The following TMTC2 variants were observed in gnomAD, a reference collection of about 807,000 sequenced individuals.
The protein encoded by TMTC2 is transmembrane O-mannosyltransferase targeting cadherins 2.
TMTC2 carries 43 observed loss-of-function variants against 82.4 expected under a neutral mutation model. The observed-to-expected ratio is 0.52, with a 90% CI of 0.41 to 0.67. The LOEUF (loss-of-function observed/expected upper bound fraction) is 0.67, where lower values mean the gene tolerates loss of function less well. Ranked by LOEUF, TMTC2 falls within the 30% of genes least tolerant of loss-of-function variation. TMTC2 has a pLI of 0.00. For missense variants in TMTC2, 919 were observed against 1,012.4 expected, an observed-to-expected ratio of 0.91 and a Z score of 1.25; for synonymous variants, 408 against 381.9, an observed-to-expected ratio of 1.07 and a Z score of -0.80.
At chr12:82,925,526 A>G (rs1346174602) in intron 3 of TMTC2, among the ~76,000 whole-genome samples, 1 of 152,186 alleles carries the variant, frequency 6.6e-6, no homozygotes, top group Non-Finnish European at 1.5e-5. Context: ...TGTTTTTTTA[A>G]CAAATTGAAT....
chr12:82,983,190 A>G (rs1879002960), intron 7 of TMTC2, among the ~76,000 whole-genome samples: 1 of 152,002 alleles, frequency 6.6e-6, no homozygotes, highest in African/African-American at 2.4e-5. Flanking sequence ...TAAACACTCA[A>G]TTATTATTAT....
rs534085842 is a variant in TMTC2, at chr12:82,746,938, A to G, written c.83+59269A>G. Among the ~76,000 whole-genome samples, 3 of 152,328 alleles carry G rather than the reference A, an allele frequency of 2.0e-5. No homozygotes were observed. The East Asian group carries it at 5.8e-4, about 29-fold the overall frequency. On this transcript the variant is annotated intron_variant, in intron 1 of 11. Coordinates refer to ENST00000321196, the MANE Select transcript of TMTC2 (RefSeq NM_152588.3). ...ACATCAGTCTTGGAATAGCAAGGAA[A>G]TGGAATTTGTCCAACAACTTGAATG...
chr12:82,726,723 A>C (rs946800656), intron 1 of TMTC2, among the ~76,000 whole-genome samples: 1 of 151,962 alleles, frequency 6.6e-6, no homozygotes, highest in African/African-American at 2.4e-5. Flanking sequence ...TACTAAAATT[A>C]CAAAAATTAG....
intron 2 of TMTC2, among the ~76,000 whole-genome samples, chr12:82,881,019 T>C (rs1872800650): frequency 6.6e-6 from 1 of 152,138 alleles, no homozygotes; most frequent in Non-Finnish European, 1.5e-5. Context: ...TTTGTTTTAT[T>C]GATAATGCTA....
At chr12:82,688,063 A>G (rs946707804) in intron 1 of TMTC2, among the ~76,000 whole-genome samples, 1 of 152,238 alleles carries the variant, frequency 6.6e-6, no homozygotes, top group African/African-American at 2.4e-5. Flanking sequence ...TCGATCCCTG[A>G]TAGATCCTCC....
intron 1 of TMTC2, among the ~76,000 whole-genome samples, chr12:82,853,644 G>T (rs1029089938): frequency 1.3e-5 from 2 of 152,136 alleles, no homozygotes; most frequent in African/African-American, 4.8e-5. Flanking sequence ...TAGAAATCCA[G>T]GTTTGGAAAA....
intron 8 of TMTC2, among the ~76,000 whole-genome samples, chr12:83,019,373 A>G (rs987489374): frequency 2.6e-5 from 4 of 152,060 alleles, no homozygotes; most frequent in Non-Finnish European, 4.4e-5. Context: ...TGGCTTCCAT[A>G]CCTGTTAAAC....
intron 11 of TMTC2, among the ~76,000 whole-genome samples, chr12:83,094,543 C>CA (rs1366250306): frequency 5.6e-4 from 86 of 152,260 alleles, no homozygotes; most frequent in African/African-American, 2.0e-3. Flanking sequence ...ATATTTGTTC[C>CA]ATTTGCATTG....
intron 10 of TMTC2, among the ~76,000 whole-genome samples, chr12:83,054,312 A>G (rs1882456753): frequency 6.6e-6 from 1 of 152,124 alleles, no homozygotes; most frequent in Non-Finnish European, 1.5e-5. Flanking sequence ...GGAACATTAT[A>G]ATGTCGGGAA....
At chr12:82,855,717 C>G (rs1814838871) in intron 1 of TMTC2, among the ~76,000 whole-genome samples, 1 of 152,208 alleles carries the variant, frequency 6.6e-6, no homozygotes, top group South Asian at 2.1e-4. Context: ...ATGCCACATT[C>G]AATGTTTGTA....
At chr12:82,771,121 T>C (rs533204902) in intron 1 of TMTC2, among the ~76,000 whole-genome samples, 1 of 151,302 alleles carries the variant, frequency 6.6e-6, no homozygotes, top group East Asian at 2.0e-4. Context: ...GCAGGAGAAT[T>C]GTTTGAACCT....
At chr12:82,888,988 G>A (rs1873251227) in intron 2 of TMTC2, among the ~76,000 whole-genome samples, 1 of 152,012 alleles carries the variant, frequency 6.6e-6, no homozygotes, top group African/African-American at 2.4e-5. Flanking sequence ...ATAGAAAAGT[G>A]TAGGAACTGG....
intron 3 of TMTC2, among the ~76,000 whole-genome samples, chr12:82,928,077 G>T (rs956449167): frequency 2.0e-5 from 3 of 151,902 alleles, no homozygotes; most frequent in African/African-American, 7.3e-5. Context: ...ATTTATTTGA[G>T]ATATAAGTAT....
At chr12:82,944,211 G>A (rs1876867909) in intron 4 of TMTC2, among the ~76,000 whole-genome samples, 2 of 152,100 alleles carry the variant, frequency 1.3e-5, no homozygotes, top group Admixed American at 6.6e-5. Context: ...ATGTGTATGT[G>A]AATAATATGC....
chr12:82,795,086 C>G (rs1399020013), intron 1 of TMTC2, among the ~76,000 whole-genome samples: 1 of 151,960 alleles, frequency 6.6e-6, no homozygotes, highest in Non-Finnish European at 1.5e-5. Context: ...AGGTGGATCA[C>G]TTGAGGTCAG....
chr12:83,107,718 T>A (rs1884458496), intron 11 of TMTC2, among the ~76,000 whole-genome samples: 1 of 152,216 alleles, frequency 6.6e-6, no homozygotes, highest in Non-Finnish European at 1.5e-5. Context: ...AAACCAATCA[T>A]TGTTGATAAC....
At chr12:83,035,713 G>A (rs571843686) in intron 9 of TMTC2, among the ~76,000 whole-genome samples, 3 of 152,204 alleles carry the variant, frequency 2.0e-5, no homozygotes, top group East Asian at 1.9e-4. Context: ...GGTGTCTCAT[G>A]TGGGCCTGTA....
intron 1 of TMTC2, among the ~76,000 whole-genome samples, chr12:82,749,764 G>A (rs1875883466): frequency 1.4e-5 from 2 of 138,698 alleles, no homozygotes; most frequent in African/African-American, 5.3e-5. Flanking sequence ...TTGAGGCGGA[G>A]TCTCGCTTTG....
chr12:82,804,398 A>G (rs1222591194), intron 1 of TMTC2, among the ~76,000 whole-genome samples: 2 of 152,114 alleles, frequency 1.3e-5, no homozygotes. Flanking sequence ...TTGAAAAATC[A>G]TGGTGTATTA....
Sources: gnomAD v4.1 joint callset for allele counts (sites outside exome capture counted in the v4.1 genomes callset) on GRCh38, gnomAD v4.1.1 for gene constraint, MANE v1.5 for transcripts, NCBI Gene and HGNC (gene_info 2026-07-23, HGNC 2026-07-21) for gene names.